The following PRKN variants were observed in gnomAD, a reference collection of about 807,000 sequenced individuals.
The protein encoded by PRKN is parkin RBR E3 ubiquitin protein ligase.
A neutral mutation model predicts 59.5 loss-of-function variants in PRKN; 56 were observed. The observed-to-expected ratio is 0.94, with a 90% confidence interval of 0.76 to 1.18. PRKN has a LOEUF of 1.18. Ranked by LOEUF, PRKN falls within the 50% of genes most tolerant of loss-of-function variation. The pLI is 0.00. For synonymous variants in PRKN, 250 were observed against 222.1 expected (o/e 1.13, Z -1.12); for missense variants, 657 against 596.4 (o/e 1.10, Z -1.06).
intron 7 of PRKN, among the ~76,000 whole-genome samples, chr6:161,733,958 TTACACACACACACACACACACA>T (rs1364723926): frequency 5.0e-4 from 40 of 79,518 alleles, no homozygotes; most frequent in African/African-American, 1.8e-3. Flanking sequence ...GAAAATTCAT[TTACACACACACACACACACACA>T]CACACACACA....
chr6:161,918,405 G>C (rs1324727394), intron 6 of PRKN, among the ~76,000 whole-genome samples: 1 of 152,172 alleles, frequency 6.6e-6, no homozygotes, highest in African/African-American at 2.4e-5. Flanking sequence ...AGCTGCAAGA[G>C]AGATTCAGCT....
At chr6:162,114,101 T>C (rs1780563065) in intron 4 of PRKN, among the ~76,000 whole-genome samples, 1 of 151,518 alleles carries the variant, frequency 6.6e-6, no homozygotes, top group South Asian at 2.1e-4. Context: ...AGTACCATGC[T>C]GTTTTGGTTA....
intron 7 of PRKN, among the ~76,000 whole-genome samples, chr6:161,652,495 T>C (rs1249107578): frequency 2.6e-5 from 4 of 152,238 alleles, no homozygotes; most frequent in Non-Finnish European, 5.9e-5. Context: ...CATTCACACA[T>C]AGGGGTTTAT....
chr6:162,637,326 T>A (rs1777764621), intron 1 of PRKN, among the ~76,000 whole-genome samples: 1 of 126,492 alleles, frequency 7.9e-6, no homozygotes, highest in Non-Finnish European at 1.6e-5. Context: ...ACATCCACCA[T>A]CAGATTGAGA....
intron 4 of PRKN, among the ~76,000 whole-genome samples, chr6:162,073,925 A>T (rs1052886059): frequency 6.6e-6 from 1 of 152,220 alleles, no homozygotes; most frequent in African/African-American, 2.4e-5. Context: ...TCAAAATCAC[A>T]ATGAGATACC....
chr6:162,072,411 T>C (rs970114863), intron 4 of PRKN, among the ~76,000 whole-genome samples: 1 of 152,140 alleles, frequency 6.6e-6, no homozygotes, highest in Non-Finnish European at 1.5e-5. Context: ...GTAGCAGCAG[T>C]AGGTTTTGCG....
intron 4 of PRKN, among the ~76,000 whole-genome samples, chr6:162,085,066 AAG>A (rs36064158): frequency 3.3e-5 from 2 of 60,042 alleles, no homozygotes; most frequent in Admixed American, 2.5e-4. Flanking sequence ...CACACACACA[AAG>A]AGAGAGACTC....
At chr6:162,502,644 A>T (rs867110013) in intron 1 of PRKN, among the ~76,000 whole-genome samples, 33 of 152,158 alleles carry the variant, frequency 2.2e-4, no homozygotes, top group African/African-American at 8.0e-4. Context: ...TAAAATTATA[A>T]ATGAGATGAT....
intron 2 of PRKN, among the ~76,000 whole-genome samples, chr6:162,409,267 C>T (rs1224962037): frequency 6.6e-6 from 1 of 151,880 alleles, no homozygotes; most frequent in African/African-American, 2.4e-5. Context: ...TGGGCTTCTG[C>T]GATCCTCCTG....
At chr6:161,542,218 AC>A (rs1393205620) in intron 9 of PRKN, among the ~76,000 whole-genome samples, 1 of 152,248 alleles carries the variant, frequency 6.6e-6, no homozygotes, top group Non-Finnish European at 1.5e-5. Flanking sequence ...CATGTGACAT[AC>A]AAAATACCTG....
At chr6:162,278,403 T>A (rs1780728683) in intron 2 of PRKN, among the ~76,000 whole-genome samples, 2 of 152,126 alleles carry the variant, frequency 1.3e-5, no homozygotes, top group Non-Finnish European at 2.9e-5. Flanking sequence ...CCACAGAGTG[T>A]ACACCAAGAG....
At chr6:161,699,750 G>A (rs1786174248) in intron 7 of PRKN, among the ~76,000 whole-genome samples, 1 of 152,148 alleles carries the variant, frequency 6.6e-6, no homozygotes. Context: ...TACAAAGGAT[G>A]AGGAAACTCT....
chr6:161,977,555 T>G (rs1407646194), intron 5 of PRKN, among the ~76,000 whole-genome samples: 2 of 148,500 alleles, frequency 1.3e-5, no homozygotes, highest in Non-Finnish European at 1.5e-5. Context: ...TTTTTTTTTT[T>G]TTTTTTTTTT....
At chr6:162,181,558 G>A (rs1323042280) in intron 4 of PRKN, among the ~76,000 whole-genome samples, 1 of 152,078 alleles carries the variant, frequency 6.6e-6, no homozygotes, top group African/African-American at 2.4e-5. Context: ...AAGAGGGTCA[G>A]GCTTGGACAA....
intron 6 of PRKN, among the ~76,000 whole-genome samples, chr6:161,818,955 G>A (rs1265718597): frequency 6.6e-6 from 1 of 152,160 alleles, no homozygotes; most frequent in African/African-American, 2.4e-5. Context: ...AACATGTACT[G>A]TGGTTAGGCC....
At chr6:161,774,416 A>AC (rs1363272534) in intron 7 of PRKN, among the ~76,000 whole-genome samples, 1 of 132,812 alleles carries the variant, frequency 7.5e-6, no homozygotes, top group East Asian at 2.4e-4. Context: ...ACACACACAC[A>AC]CACACACACA....
chr6:162,506,654 G>C (rs62428859), intron 1 of PRKN, among the ~76,000 whole-genome samples: 40,380 of 152,070 alleles, frequency 0.27, 6,429 homozygotes, highest in Middle Eastern at 0.36. Context: ...CCGGGTGAAA[G>C]GGTCAGCTTT....
chr6:161,856,840 A>ATATATATATATATATATATATATATAT (rs1793675626), intron 6 of PRKN, among the ~76,000 whole-genome samples: 4 of 152,206 alleles, frequency 2.6e-5, no homozygotes, highest in Admixed American at 6.5e-5. Context: ...GGCTTTATAT[A>ATATATATATATATATATATATATATAT]AACTAGAGTT....
At chr6:161,595,048 T>G (rs1235123645) in intron 7 of PRKN, among the ~76,000 whole-genome samples, 2 of 152,166 alleles carry the variant, frequency 1.3e-5, no homozygotes, top group African/African-American at 4.8e-5. Flanking sequence ...TTTGTGCTAT[T>G]CAAAAGGACA....
Sources: allele counts gnomAD v4.1 joint callset (sites outside exome capture counted in the v4.1 genomes callset), GRCh38; gene constraint gnomAD v4.1.1; transcripts MANE v1.5; gene names NCBI Gene and HGNC (gene_info 2026-07-23, HGNC 2026-07-21).